The following LPP variants were observed in gnomAD, a reference collection of about 807,000 sequenced individuals.
The protein encoded by LPP is LIM domain containing preferred translocation partner in lipoma, also known as lipoma-preferred partner.
Under a neutral mutation model 60.4 loss-of-function variants are expected in LPP, and 38 were observed. That is an observed-to-expected ratio of 0.63 (90% CI 0.49 to 0.83). The LOEUF is 0.83. Ranked by LOEUF, LPP falls within the 40% of genes least tolerant of loss-of-function variation. LPP has a pLI of 0.00. For synonymous variants in LPP, 328 were observed against 290.8 expected (o/e 1.13, Z -1.30); for missense variants, 902 against 783.6 (o/e 1.15, Z -1.80).
At chr3:188,344,143 C>T (rs147985942) in intron 3 of LPP, among the ~76,000 whole-genome samples, 28 of 152,318 alleles carry the variant, frequency 1.8e-4, no homozygotes, top group East Asian at 1.2e-3. Flanking sequence ...CTCTTGTAGA[C>T]GGTTGATTAT....
intron 6 of LPP, among the ~76,000 whole-genome samples, chr3:188,605,069 T>C (rs1313233653): frequency 6.6e-6 from 1 of 152,142 alleles, no homozygotes; most frequent in Non-Finnish European, 1.5e-5. Context: ...AGAGGTGGAT[T>C]TGCATCCATC....
intron 3 of LPP, among the ~76,000 whole-genome samples, chr3:188,372,189 C>T (rs1177828074): frequency 6.6e-6 from 1 of 152,052 alleles, no homozygotes; most frequent in African/African-American, 2.4e-5. Context: ...ATTGGCTTGA[C>T]AGCAAAACTC....
At chr3:188,652,543 CA>C (rs147103958) in intron 7 of LPP, among the ~76,000 whole-genome samples, 4 of 150,940 alleles carry the variant, frequency 2.7e-5, no homozygotes, top group South Asian at 2.1e-4. Flanking sequence ...CTGTAAAATG[CA>C]AAAAAAACCC....
chr3:188,430,329 T>C (rs1211988813), intron 4 of LPP, among the ~76,000 whole-genome samples: 2 of 152,164 alleles, frequency 1.3e-5, no homozygotes, highest in African/African-American at 4.8e-5. Context: ...CTGGCTTATA[T>C]TGTACATGGG....
At chr3:188,350,234 A>G (rs2150786035) in intron 3 of LPP, among the ~76,000 whole-genome samples, 1 of 152,332 alleles carries the variant, frequency 6.6e-6, no homozygotes, top group East Asian at 1.9e-4. Flanking sequence ...AGTTTGATTC[A>G]GGGCCAGTCA....
At chr3:188,236,891 TAA>T (rs1000163132) in intron 2 of LPP, among the ~76,000 whole-genome samples, 1 of 152,124 alleles carries the variant, frequency 6.6e-6, no homozygotes, top group African/African-American at 2.4e-5. Context: ...GAGACAACAA[TAA>T]AGTTTGCCAC....
chr3:188,350,978 A>G (rs1234525307), intron 3 of LPP, among the ~76,000 whole-genome samples: 2 of 152,136 alleles, frequency 1.3e-5, no homozygotes, highest in African/African-American at 4.8e-5. Context: ...CACGAAAGTC[A>G]TCCCTGTCTG....
At chr3:188,201,556 A>T (rs1217738916) in intron 1 of LPP, among the ~76,000 whole-genome samples, 1 of 151,930 alleles carries the variant, frequency 6.6e-6, no homozygotes, top group Non-Finnish European at 1.5e-5. Context: ...AAAATACAAA[A>T]ATTAGCCAGG....
chr3:188,557,723 T>G (rs1047462789), intron 6 of LPP, among the ~76,000 whole-genome samples: 1 of 152,046 alleles, frequency 6.6e-6, no homozygotes, highest in Non-Finnish European at 1.5e-5. Flanking sequence ...AAACTAGAGG[T>G]TGTACAAGTA....
At chr3:188,644,540 T>G (rs1225735387) in intron 7 of LPP, among the ~76,000 whole-genome samples, 1 of 152,138 alleles carries the variant, frequency 6.6e-6, no homozygotes, top group African/African-American at 2.4e-5. Context: ...AAAAGTATAT[T>G]TTCAATATTG....
intron 1 of LPP, among the ~76,000 whole-genome samples, chr3:188,162,880 G>A (rs1471372755): frequency 4.6e-5 from 7 of 152,122 alleles, no homozygotes; most frequent in Admixed American, 2.0e-4. Context: ...TCAAGTCCTC[G>A]TTGTGCTGTT....
chr3:188,669,991 A>G (rs1856637653), intron 7 of LPP, among the ~76,000 whole-genome samples: 1 of 152,182 alleles, frequency 6.6e-6, no homozygotes, highest in South Asian at 2.1e-4. Flanking sequence ...TTCTGAGCAA[A>G]CTATCACTAG....
intron 7 of LPP, among the ~76,000 whole-genome samples, chr3:188,633,822 T>G (rs1053070150): frequency 6.6e-6 from 1 of 152,234 alleles, no homozygotes; most frequent in African/African-American, 2.4e-5. Flanking sequence ...GCCTCTTCAA[T>G]ATGTTGTATA....
At chr3:188,708,460 G>A (rs1267032892) in intron 8 of LPP, 67 bp downstream of exon 8, 1 of 1,607,418 alleles carries the variant, frequency 6.2e-7, no homozygotes, top group Non-Finnish European at 8.5e-7. Context: ...TTAGTAATTG[G>A]AACTATTATC....
intron 9 of LPP, among the ~76,000 whole-genome samples, chr3:188,767,947 A>AT (rs1734678725): frequency 1.3e-5 from 2 of 152,282 alleles, no homozygotes; most frequent in South Asian, 4.1e-4. Context: ...TCTGGGGATG[A>AT]TTTTTTGAAA....
At chr3:188,714,958 G>T (rs1713208889) in intron 8 of LPP, among the ~76,000 whole-genome samples, 2 of 152,132 alleles carry the variant, frequency 1.3e-5, no homozygotes, top group African/African-American at 4.8e-5. Flanking sequence ...CAATAAACCA[G>T]ACAGTGAGTG....
At chr3:188,215,003 G>T (rs1712953373) in intron 1 of LPP, among the ~76,000 whole-genome samples, 1 of 151,986 alleles carries the variant, frequency 6.6e-6, no homozygotes. Context: ...CATCTTGATG[G>T]TTTTTAAGAG....
chr3:188,770,356 T>G (rs1184460385), intron 9 of LPP, among the ~76,000 whole-genome samples: 3,289 of 147,886 alleles, frequency 0.022, 124 homozygotes, highest in African/African-American at 0.072. Flanking sequence ...TTTTTTTTTT[T>G]TTTTTTTTTG....
chr3:188,558,738 A>G (rs1407182642), intron 6 of LPP, among the ~76,000 whole-genome samples: 1 of 152,018 alleles, frequency 6.6e-6, no homozygotes, highest in Non-Finnish European at 1.5e-5. Context: ...TGCCATTTCT[A>G]CCTCCCACTT....
Sources: allele counts gnomAD v4.1 joint callset (sites outside exome capture counted in the v4.1 genomes callset), GRCh38; gene constraint gnomAD v4.1.1; transcripts MANE v1.5; gene names NCBI Gene and HGNC (gene_info 2026-07-23, HGNC 2026-07-21).